ACSM2A: variants seen among roughly 807,000 people sequenced by gnomAD.
The protein encoded by ACSM2A is acyl-CoA synthetase medium chain family member 2A.
In ACSM2A, 72 loss-of-function variants were observed where a neutral mutation model predicts 76.6. That is an observed-to-expected ratio of 0.94 (90% CI 0.78 to 1.14). The LOEUF is 1.14. Among genes scored for constraint, ACSM2A ranks in the 50% most tolerant of loss-of-function variants. ACSM2A has a pLI of 0.00. For missense variants in ACSM2A, 684 were observed against 708.5 expected, an observed-to-expected ratio of 0.97 and a Z score of 0.39; for synonymous variants, 249 against 255.9, an observed-to-expected ratio of 0.97 and a Z score of 0.26.
At position 20,475,763 on chromosome 16, in the gene ACSM2A, A is replaced by G; in HGVS notation, c.1088A>G (p.Gln363Arg). Reference sequence around the variant, plus strand: ...CTGGACATCCGAGAATCCTATGGCCAGACAGAAACGGTACCTGTTCCCAGG... The same window carrying G: ...CTGGACATCCGAGAATCCTATGGCCGGACAGAAACGGTACCTGTTCCCAGG... Reference protein sequence around the residue: ...TGLDIRESYGQTETGLTCMVS... With the variant: ...TGLDIRESYGRTETGLTCMVS... The change falls in exon 8 of 14, where the codon CAG becomes CGG. Residue 363 changes from glutamine (Q) to arginine (R), a missense_variant. Physicochemically the swap from Gln to Arg is conservative, Grantham distance 43 (BLOSUM62 1). Around this residue, in one of 3 missense-constraint regions of ACSM2A, gnomAD observed 519 missense variants for 549.5 expected, o/e 0.94. Transcript: ENST00000573854. 1 of 1,613,970 alleles carries G rather than the reference A, an allele frequency of 6.2e-7. No homozygotes were observed. Among genetic ancestry groups the G allele is most frequent in the South Asian group, 1.1e-5 (1 of 91,064 alleles).
At position 20,478,520 on chromosome 16, in the gene ACSM2A, C is replaced by T; in HGVS notation, c.1180-56C>T. The T allele has an allele frequency of 5.7e-6, 9 of 1,577,812 alleles. 1 individual carries two copies. The South Asian group carries it at 8.0e-5, about 14-fold the overall frequency. ...GACCAATTCAGCAATCTCATGATGCCATTGAAGCCATCTCCTGCTGTGTGC... is the reference window on the plus strand; with the variant it reads ...GACCAATTCAGCAATCTCATGATGCTATTGAAGCCATCTCCTGCTGTGTGC... On this transcript the variant is annotated intron_variant, in intron 9 of 13. Transcript: ENST00000573854.
In ACSM2A at chr16:20,467,988, G is replaced by A. The variant is rs991332913; in HGVS notation, c.389-1524G>A. On this transcript the variant is annotated intron_variant, in intron 3 of 13. Coordinates refer to ENST00000573854, the MANE Select transcript of ACSM2A (RefSeq NM_001308172.2). ...CCTCATATTCTGGGGACAATGGGCT[G>A]AGCATGAGAAAGCAATGGGTAAAGA... Among the ~76,000 whole-genome samples, 8 of 152,008 alleles carry A rather than the reference G, an allele frequency of 5.3e-5. No individual in the cohort carries two copies. The South Asian group carries it at 1.7e-3, about 32-fold the overall frequency.
At chr16:20,471,912 A>G (rs1180162798) in intron 6 of ACSM2A, among the ~76,000 whole-genome samples, 1 of 152,140 alleles carries the variant, frequency 6.6e-6, no homozygotes, top group Non-Finnish European at 1.5e-5. Context: ...TGTTCAGGAG[A>G]AAGATATTGT....
At chr16:20,483,978 G>T in intron 13 of ACSM2A, among the ~76,000 whole-genome samples, 1 of 151,444 alleles carries the variant, frequency 6.6e-6, no homozygotes, top group African/African-American at 2.4e-5. Context: ...TTTCTTTGTG[G>T]CTCTATCAGC....
intron 1 of ACSM2A, among the ~76,000 whole-genome samples, chr16:20,459,090 G>C (rs1252577483): frequency 6.6e-6 from 1 of 151,514 alleles, no homozygotes; most frequent in African/African-American, 2.4e-5. Context: ...GTGGGAGCTA[G>C]GGTATACATT....
chr16:20,453,651 T>C (rs2011924757), intron 1 of ACSM2A: 1 of 126,036 alleles, frequency 7.9e-6, no homozygotes, highest in Admixed American at 7.6e-5. Flanking sequence ...GCCTGCGGGG[T>C]CGGGCAGAAT....
intron 13 of ACSM2A, among the ~76,000 whole-genome samples, chr16:20,484,834 G>T (rs893860972): frequency 6.6e-6 from 1 of 152,184 alleles, no homozygotes; most frequent in African/African-American, 2.4e-5. Context: ...CAAGACAGCT[G>T]TCTCTGGCTG....
chr16:20,460,171 C>T lies in ACSM2A; in HGVS notation c.57C>T (p.Ser19=), dbSNP rs1210235544. Residue 19 remains serine (S), a synonymous_variant, in exon 2 of 14, where the codon TCC becomes TCT. Transcript: ENST00000573854. ...GCACCCTGTGGGGTACTCAGATGTC[C>T]AGCCGCACTCTCTACATTAATAGTA... ...GLCTLWGTQM[S]SRTLYINSRQ... is the part of the protein sequence containing the mutation. 5 of 1,613,092 alleles carry T rather than the reference C, an allele frequency of 3.1e-6. No homozygotes were observed. The highest frequency in any genetic ancestry group is 1.7e-5 in the Admixed American group (1 of 59,888).
At chr16:20,475,862 T>A in intron 8 of ACSM2A, 89 bp downstream of exon 8, 1 of 1,584,568 alleles carries the variant, frequency 6.3e-7, no homozygotes, top group Non-Finnish European at 8.6e-7. Context: ...CCACCATGTA[T>A]CATTCATCTA....
Position 20,477,473 on chromosome 16 carries a change from G to A in ACSM2A, c.1179+24G>A, listed in dbSNP as rs144948273. On this transcript the variant is annotated intron_variant, in intron 9 of 13. Transcript: ENST00000573854. ...AGGTTTGCTCGGGACACTGAGGAGGGAGGAAGTTAGGGGAAACACTGATTT... is the reference window on the plus strand; with the variant it reads ...AGGTTTGCTCGGGACACTGAGGAGGAAGGAAGTTAGGGGAAACACTGATTT... 8.3e-3 allele frequency: 13,160 copies of A among 1,582,648 alleles called. 78 individuals carry two copies. The highest frequency in any genetic ancestry group is 9.7e-3 in the Non-Finnish European group (11,281 of 1,166,420).
chr16:20,478,950 T>C lies in ACSM2A; in HGVS notation c.1281+273T>C, dbSNP rs147963589. 3.6e-3 allele frequency among the ~76,000 whole-genome samples: 552 copies of C among 152,276 alleles called. 4 individuals are homozygous for C. The highest frequency in any genetic ancestry group is 4.4e-3 in the Non-Finnish European group (297 of 68,016). ...AACTCTCTGTTTCATGCCCAAAATA[T>C]TATTGACCCTGAACTATACACAGCA... On this transcript the variant is annotated intron_variant, in intron 10 of 13. Transcript: ENST00000573854.
Position 20,461,153 on chromosome 16 carries a change from C to T in ACSM2A, c.177+862C>T, listed in dbSNP as rs1036880289. ...GTAGGGGAAGGGGTGGAGCTACCAG[C>T]GTGAACTTAATACATTGGTGCTCAA... On this transcript the variant is annotated intron_variant, in intron 2 of 13. Coordinates refer to ENST00000573854, the MANE Select transcript of ACSM2A (RefSeq NM_001308172.2). Among the ~76,000 whole-genome samples the T allele has an allele frequency of 3.5e-5, 5 of 143,728 alleles. 1 individual carries two copies. The highest frequency in any genetic ancestry group is 4.5e-5 in the Non-Finnish European group (3 of 66,896). 94.3% of individuals were successfully genotyped at this position (143,728 alleles called of 152,430 possible). A position where few individuals can be genotyped will look rare whatever the true frequency, so the allele number is the denominator to read the frequency against.
In ACSM2A at chr16:20,480,954, C is replaced by G. The variant is rs373450259; in HGVS notation, c.1509+33C>G. On this transcript the variant is annotated intron_variant, in intron 12 of 13. Coordinates refer to ENST00000573854, the MANE Select transcript of ACSM2A (RefSeq NM_001308172.2). ...GGAAGCAGTAGCCTGGGGGTGAACA[C>G]ATATGAACACAAGGGCAGTGTAGTA... 2.2e-3 allele frequency: 3,554 copies of G among 1,611,282 alleles called. 75 individuals carry two copies. In the African/African-American group the frequency reaches 0.039, roughly 18 times the overall value.
At chr16:20,470,914 C>T (rs2013350021) in intron 4 of ACSM2A, 159 bp from the exon 5 acceptor site, 1 of 1,167,130 alleles carries the variant, frequency 8.6e-7, no homozygotes, top group Non-Finnish European at 1.2e-6. Flanking sequence ...CTCTGATTGA[C>T]TCAGACTCCC....
chr16:20,467,658 C>A (rs375500209), intron 3 of ACSM2A, among the ~76,000 whole-genome samples: 1 of 152,002 alleles, frequency 6.6e-6, no homozygotes, highest in African/African-American at 2.4e-5. Flanking sequence ...CTTTCTTTCA[C>A]TGGAGTGAAG....
chr16:20,470,001 C>T (rs111794923), intron 4 of ACSM2A, among the ~76,000 whole-genome samples: 3 of 150,234 alleles, frequency 2.0e-5, no homozygotes, highest in Non-Finnish European at 2.9e-5. Context: ...AAGCACTGAT[C>T]CATTAGCATC....
Position 20,483,058 on chromosome 16 carries a change from G to A in ACSM2A, c.1510G>A (p.Val504Met), listed in dbSNP as rs754475293. 6.2e-7 allele frequency: 1 copy of A among 1,613,458 alleles called. No homozygotes were observed. Among genetic ancestry groups the A allele is most frequent in the Non-Finnish European group, 8.5e-7 (1 of 1,179,670 alleles). Residue 504 changes from valine (V) to methionine (M), a missense_variant and splice_region_variant, in exon 13 of 14, where the codon GTG becomes ATG. Val to Met is a conservative substitution (Grantham distance 21, BLOSUM62 1). Coordinates refer to ENST00000573854, the MANE Select transcript of ACSM2A (RefSeq NM_001308172.2). ...ISSPDPVRGE[V>M]VKAFVVLASQ... The stretch of plus-strand genomic sequence containing the variant: ...TCTCTGGCCTTCATCTTTTTTGCAG[G>A]TGGTGAAGGCATTTGTGGTCCTGGC...
chr16:20,466,249 G>T (rs1208035999), intron 3 of ACSM2A, among the ~76,000 whole-genome samples: 1 of 152,162 alleles, frequency 6.6e-6, no homozygotes, highest in Non-Finnish European at 1.5e-5. Context: ...GAAAAAGTTT[G>T]CCAATGCTTT....
chr16:20,477,124 T>C, intron 8 of ACSM2A: 2 of 530,000 alleles, frequency 3.8e-6, no homozygotes, highest in Admixed American at 4.0e-5. Flanking sequence ...GATTATAATG[T>C]GATTGTTAGG....
Sources: allele counts gnomAD v4.1 joint callset (sites outside exome capture counted in the v4.1 genomes callset), GRCh38; gene constraint gnomAD v4.1.1; regional missense constraint gnomAD v4.1.1; transcripts MANE v1.5; gene names NCBI Gene and HGNC (gene_info 2026-07-23, HGNC 2026-07-21).